The following R3HDM2 variants were observed in gnomAD, a reference collection of about 807,000 sequenced individuals.
R3HDM2 encodes R3H domain containing 2.
Under a neutral mutation model 124.5 loss-of-function variants are expected in R3HDM2, and 38 were observed. The ratio of observed to expected loss-of-function variants is 0.31; its 90% CI spans 0.24 to 0.40. The LOEUF is 0.40. R3HDM2 is among the 10% of genes least tolerant of loss of function. The pLI is 1.00. For synonymous variants in R3HDM2, 391 were observed against 448.0 expected (o/e 0.87, Z 1.61); for missense variants, 869 against 1,236.9 (o/e 0.70, Z 4.46).
chr12:57,254,944 A>G lies in R3HDM2; in HGVS notation c.2802T>C (p.Asn934=). 1 of 1,614,014 alleles carries G rather than the reference A, an allele frequency of 6.2e-7. No homozygotes were observed. Among genetic ancestry groups the G allele is most frequent in the Non-Finnish European group, 8.5e-7 (1 of 1,179,940 alleles). The change falls in exon 24 of 24, where the codon AAT becomes AAC. Residue 934 remains asparagine (N), a synonymous_variant. Transcript: ENST00000402412. ...AGGCAGCGAGGTCCGAGTGGCGGCC[A>G]TTCTCAGCAGTCCCACTGTTGTCCC... ...GGGDNSGTAE[N]GRHSDLAALY... is the part of the protein sequence containing the mutation.
chr12:57,310,920 G>C (rs1593091906), intron 2 of R3HDM2, among the ~76,000 whole-genome samples: 1 of 152,064 alleles, frequency 6.6e-6, no homozygotes, highest in African/African-American at 2.4e-5. Flanking sequence ...TAATTATTTT[G>C]AGATTCACCA....
intron 12 of R3HDM2, among the ~76,000 whole-genome samples, chr12:57,284,503 A>G (rs185253385): frequency 6.6e-6 from 1 of 152,354 alleles, no homozygotes; most frequent in Admixed American, 6.5e-5. Context: ...GACATGGATA[A>G]AACCCACAAT....
chr12:57,283,004 G>T (rs2046532741), intron 13 of R3HDM2, among the ~76,000 whole-genome samples: 1 of 152,192 alleles, frequency 6.6e-6, no homozygotes, highest in Admixed American at 6.5e-5. Flanking sequence ...CTGATGGGTG[G>T]TTACAGAGCT....
chr12:57,266,989 C>T (rs896573831), intron 18 of R3HDM2, 158 bp from the exon 19 acceptor site: 15 of 564,448 alleles, frequency 2.7e-5, no homozygotes, highest in Non-Finnish European at 4.8e-5. Context: ...AATCACTCAT[C>T]AGTTCAAAGT....
chr12:57,422,310 G>T (rs187012557), intron 1 of R3HDM2, among the ~76,000 whole-genome samples: 1 of 151,950 alleles, frequency 6.6e-6, no homozygotes, highest in Non-Finnish European at 1.5e-5. Context: ...GACAAAACTC[G>T]AACTTTTTAG....
intron 13 of R3HDM2, among the ~76,000 whole-genome samples, chr12:57,281,109 A>C (rs902763348): frequency 6.6e-6 from 1 of 152,010 alleles, no homozygotes; most frequent in African/African-American, 2.4e-5. Flanking sequence ...CAACATAGTG[A>C]AACTCCGTCT....
chr12:57,416,456 T>C (rs921517052), intron 1 of R3HDM2, among the ~76,000 whole-genome samples: 10 of 152,156 alleles, frequency 6.6e-5, no homozygotes, highest in Admixed American at 2.6e-4. Flanking sequence ...TTAACCAAAA[T>C]ACTTGGCTGC....
chr12:57,254,669 T>A lies in R3HDM2; in HGVS notation c.*104A>T, dbSNP rs1451836288. The A allele has an allele frequency of 3.9e-6, 4 of 1,020,928 alleles. No homozygotes were observed. Among genetic ancestry groups the A allele is most frequent in the Non-Finnish European group, 5.6e-6 (4 of 711,040 alleles). 63.2% of individuals were successfully genotyped at this position (1,020,928 alleles called of 1,614,324 possible). A position where few individuals can be genotyped will look rare whatever the true frequency, so the allele number is the denominator to read the frequency against. ...CACTGTCTTAGGTTCCAGTTTAACATCAGTTTCCTTACTTCCTGCCTCTGT... is the reference window on the plus strand; with the variant it reads ...CACTGTCTTAGGTTCCAGTTTAACAACAGTTTCCTTACTTCCTGCCTCTGT... On this transcript the variant is annotated 3_prime_UTR_variant, in exon 24 of 24. Coordinates refer to ENST00000402412, the MANE Select transcript of R3HDM2 (RefSeq NM_001394031.1).
intron 3 of R3HDM2, among the ~76,000 whole-genome samples, chr12:57,309,624 A>T (rs2053495493): frequency 6.6e-6 from 1 of 152,266 alleles, no homozygotes; most frequent in South Asian, 2.1e-4. Flanking sequence ...CACTGTGTGT[A>T]AAGCCAGGAA....
At chr12:57,424,874 A>G (rs1049226884) in intron 1 of R3HDM2, among the ~76,000 whole-genome samples, 1 of 152,194 alleles carries the variant, frequency 6.6e-6, no homozygotes, top group African/African-American at 2.4e-5. Context: ...AAGCCTATAC[A>G]ATATTTTTAA....
chr12:57,382,573 A>T (rs1201829139), intron 2 of R3HDM2, among the ~76,000 whole-genome samples: 4 of 149,062 alleles, frequency 2.7e-5, no homozygotes, highest in Admixed American at 6.7e-5. Context: ...GGGCTGGCTC[A>T]CACCTGTAAT....
At chr12:57,323,482 A>G (rs2056791574) in intron 2 of R3HDM2, among the ~76,000 whole-genome samples, 2 of 152,222 alleles carry the variant, frequency 1.3e-5, no homozygotes, top group African/African-American at 4.8e-5. Flanking sequence ...AACAATAATA[A>G]AACAATAGTT....
In R3HDM2 at chr12:57,297,459, A is replaced by G. The variant is rs551590411; in HGVS notation, c.501-72T>C. 2.8e-4 allele frequency: 257 copies of G among 918,238 alleles called. No homozygotes were observed. The African/African-American group carries it at 4.2e-3, about 15-fold the overall frequency. 56.9% of individuals were successfully genotyped at this position (918,238 alleles called of 1,614,324 possible). On this transcript the variant is annotated intron_variant, in intron 7 of 23. Coordinates refer to ENST00000402412, the MANE Select transcript of R3HDM2 (RefSeq NM_001394031.1). ...CCTCCCATAGACATTGAAAGTGGGG[A>G]TTGAAAACACAACTTGCTCATTACA...
chr12:57,356,644 A>G (rs981653605), intron 2 of R3HDM2, among the ~76,000 whole-genome samples: 5 of 152,240 alleles, frequency 3.3e-5, no homozygotes, highest in Non-Finnish European at 5.9e-5. Context: ...GTTTATGTAG[A>G]AATGGTATGT....
chr12:57,284,578 T>G (rs750203689), intron 12 of R3HDM2, among the ~76,000 whole-genome samples: 2 of 151,976 alleles, frequency 1.3e-5, no homozygotes, highest in Non-Finnish European at 2.9e-5. Flanking sequence ...CTTCCAGGAG[T>G]TGCAAGAAGA....
chr12:57,317,811 C>T (rs2139331568), intron 2 of R3HDM2, among the ~76,000 whole-genome samples: 1 of 151,650 alleles, frequency 6.6e-6, no homozygotes, highest in Middle Eastern at 3.4e-3. Flanking sequence ...CCCGTCTCTA[C>T]TAAAAATACA....
intron 2 of R3HDM2, among the ~76,000 whole-genome samples, chr12:57,348,245 G>A (rs928606558): frequency 2.0e-5 from 3 of 151,904 alleles, no homozygotes; most frequent in Admixed American, 6.6e-5. Flanking sequence ...GCAACATGGC[G>A]AGACCTCGTC....
intron 2 of R3HDM2, among the ~76,000 whole-genome samples, chr12:57,335,136 G>A (rs184061617): frequency 4.6e-5 from 7 of 151,094 alleles, no homozygotes; most frequent in Admixed American, 3.3e-4. Context: ...AGCAAGACTC[G>A]GTCACTACAA....
At chr12:57,424,794 T>G (rs1370998884) in intron 1 of R3HDM2, among the ~76,000 whole-genome samples, 1 of 151,998 alleles carries the variant, frequency 6.6e-6, no homozygotes, top group Non-Finnish European at 1.5e-5. Context: ...AGCTGCAAAC[T>G]TCTGGGCTCA....
Sources: gnomAD v4.1 joint callset for allele counts (sites outside exome capture counted in the v4.1 genomes callset) on GRCh38, gnomAD v4.1.1 for gene constraint, MANE v1.5 for transcripts, NCBI Gene and HGNC (gene_info 2026-07-23, HGNC 2026-07-21) for gene names.